PPP1R37: variants seen among roughly 807,000 people sequenced by gnomAD.
PPP1R37 encodes the protein protein phosphatase 1 regulatory subunit 37, also known as leucine rich repeat containing 68.
PPP1R37 carries 21 observed loss-of-function variants against 61.0 expected under a neutral mutation model. That is an observed-to-expected ratio of 0.34 (90% confidence interval 0.24 to 0.50). The LOEUF (loss-of-function observed/expected upper bound fraction) is 0.50. PPP1R37 is among the 20% of genes least tolerant of loss of function. The pLI, the probability that PPP1R37 is intolerant of heterozygous loss-of-function variation, is 0.98. For synonymous variants in PPP1R37, 443 were observed against 433.5 expected, an observed-to-expected ratio of 1.02 and a Z score of -0.27; for missense variants, 910 against 952.7, an observed-to-expected ratio of 0.96 and a Z score of 0.59.
intron 8 of PPP1R37, chr19:45,144,589 C>T (rs574404241): frequency 2.1e-5 from 10 of 486,726 alleles, no homozygotes; most frequent in African/African-American, 1.4e-4. Flanking sequence ...TGGCCAGGGG[C>T]CCAGGCTGTG....
chr19:45,115,172 G>A (rs747647), intron 1 of PPP1R37, among the ~76,000 whole-genome samples: 4,496 of 152,254 alleles, frequency 0.03, 233 homozygotes, highest in African/African-American at 0.1. Context: ...GAAACAAGTT[G>A]GCCAACCAGC....
chr19:45,099,440 G>A (rs1339853060), intron 1 of PPP1R37, among the ~76,000 whole-genome samples: 3 of 152,258 alleles, frequency 2.0e-5, no homozygotes, highest in Non-Finnish European at 4.4e-5. Flanking sequence ...TGATGACTTT[G>A]GACAAGTTGC....
chr19:45,096,220 G>C (rs1393882516), intron 1 of PPP1R37, among the ~76,000 whole-genome samples: 2 of 152,124 alleles, frequency 1.3e-5, no homozygotes, highest in African/African-American at 4.8e-5. Context: ...CCAGGAGAGG[G>C]GAGAGATGGC....
chr19:45,140,344 C>T, intron 3 of PPP1R37, 63 bp downstream of exon 3: 1 of 1,383,650 alleles, frequency 7.2e-7, no homozygotes, highest in Non-Finnish European at 9.6e-7. Flanking sequence ...CTCCCTAGAG[C>T]TGGGTCTGAG....
At chr19:45,110,506 T>A (rs1475597319) in intron 1 of PPP1R37, among the ~76,000 whole-genome samples, 1 of 152,194 alleles carries the variant, frequency 6.6e-6, no homozygotes, top group East Asian at 1.9e-4. Flanking sequence ...AAATCTGAAT[T>A]TGTATCCCCT....
At chr19:45,144,753 G>T (rs932102233) in intron 8 of PPP1R37, 101 bp from the exon 9 acceptor site, 7 of 1,023,860 alleles carry the variant, frequency 6.8e-6, no homozygotes, top group African/African-American at 6.7e-5. Flanking sequence ...GAAAAGGAGC[G>T]CCCGGGCCTG....
chr19:45,115,001 A>G (rs1158817334), intron 1 of PPP1R37, among the ~76,000 whole-genome samples: 1 of 152,116 alleles, frequency 6.6e-6, no homozygotes, highest in African/African-American at 2.4e-5. Flanking sequence ...TGAGAGTGTT[A>G]TTAGTCTCCA....
intron 1 of PPP1R37, among the ~76,000 whole-genome samples, chr19:45,111,842 G>A (rs1968205063): frequency 6.6e-6 from 1 of 152,094 alleles, no homozygotes; most frequent in South Asian, 2.1e-4. Context: ...GGGTCATCAG[G>A]TGGCCTTTTT....
intron 1 of PPP1R37, among the ~76,000 whole-genome samples, chr19:45,105,604 C>T (rs535974555): frequency 2.6e-5 from 4 of 152,262 alleles, no homozygotes; most frequent in African/African-American, 7.2e-5. Flanking sequence ...CAGGGGCGAC[C>T]GGCCACCCAG....
chr19:45,128,351 CTT>C (rs1968434787), intron 1 of PPP1R37, among the ~76,000 whole-genome samples: 1 of 152,186 alleles, frequency 6.6e-6, no homozygotes, highest in East Asian at 1.9e-4. Context: ...ATCTATTACT[CTT>C]TTCATGCTAC....
intron 8 of PPP1R37, 117 bp downstream of exon 8, chr19:45,143,750 A>G: frequency 1.7e-6 from 1 of 591,872 alleles, no homozygotes; most frequent in Non-Finnish European, 3.0e-6. Context: ...CTGCAGGTTC[A>G]AGACGATTTA....
At chr19:45,122,908 G>A (rs568816563) in intron 1 of PPP1R37, among the ~76,000 whole-genome samples, 8 of 152,040 alleles carry the variant, frequency 5.3e-5, no homozygotes, top group South Asian at 2.1e-4. Flanking sequence ...GACCCCTCTC[G>A]TCTCACACTC....
intron 1 of PPP1R37, among the ~76,000 whole-genome samples, chr19:45,111,586 C>T (rs892022747): frequency 6.6e-6 from 1 of 152,196 alleles, no homozygotes; most frequent in Non-Finnish European, 1.5e-5. Context: ...CATTTATCTT[C>T]TTGGCATATG....
At chr19:45,125,455 A>G (rs1871298412) in intron 1 of PPP1R37, among the ~76,000 whole-genome samples, 1 of 152,164 alleles carries the variant, frequency 6.6e-6, no homozygotes, top group Admixed American at 6.5e-5. Context: ...GCGAGACTCC[A>G]TCTAAAAAAT....
chr19:45,145,166 T>A lies in PPP1R37; in HGVS notation c.1202T>A (p.Ile401Asn). ...LLRLDLRENE[I>N]KTGGLMALSL... ...AGACTGGACCTTCGGGAGAACGAGA[T>A]CAAGACAGGCGGGCTCATGGCACTG... Residue 401 changes from isoleucine to asparagine, a missense_variant, in exon 10 of 13, where the codon ATC (isoleucine) becomes AAC (asparagine). Coordinates refer to ENST00000221462, the MANE Select transcript of PPP1R37 (RefSeq NM_019121.2). 2 of 1,534,814 alleles carry A rather than the reference T, an allele frequency of 1.3e-6. No homozygotes were observed. Among genetic ancestry groups the A allele is most frequent in the Non-Finnish European group, 1.7e-6 (2 of 1,146,408 alleles).
intron 4 of PPP1R37, 82 bp from the exon 5 acceptor site, chr19:45,141,240 G>A (rs1010050916): frequency 4.0e-5 from 57 of 1,439,424 alleles, no homozygotes; most frequent in South Asian, 7.1e-5. Context: ...ATCGTCTCTC[G>A]GTGGGGCCCG....
chr19:45,127,704 C>G, intron 1 of PPP1R37, among the ~76,000 whole-genome samples: 1 of 151,898 alleles, frequency 6.6e-6, no homozygotes, highest in South Asian at 2.1e-4. Context: ...GGGCCGGGCG[C>G]GGTGGCTCAC....
intron 2 of PPP1R37, among the ~76,000 whole-genome samples, 196 bp from the exon 3 acceptor site, chr19:45,140,040 G>A (rs1391903254): frequency 6.6e-6 from 1 of 152,218 alleles, no homozygotes; most frequent in South Asian, 2.1e-4. Flanking sequence ...AGTTGTGTGG[G>A]TGCAGAGTTC....
chr19:45,138,442 C>T lies in PPP1R37; in HGVS notation c.203-72C>T, dbSNP rs565788319. ...GGCAGTATGGGCAGAGGCCTTAGGG[C>T]GGGAGTGGGTGGAGCCCCATGAAGG... On this transcript the variant is annotated intron_variant, in intron 1 of 12. Transcript: ENST00000221462. 2.1e-4 allele frequency: 225 copies of T among 1,088,162 alleles called. 1 individual carries two copies. The highest frequency in any genetic ancestry group is 7.3e-4 in the Admixed American group (36 of 49,098). The allele number at this position is 1,088,162 out of a possible 1,614,324, so 67.4% of individuals were successfully genotyped here. A position where few individuals can be genotyped will look rare whatever the true frequency, so the allele number is the denominator to read the frequency against.
Sources: allele counts gnomAD v4.1 joint callset (sites outside exome capture counted in the v4.1 genomes callset), GRCh38; gene constraint gnomAD v4.1.1; transcripts MANE v1.5; gene names NCBI Gene and HGNC (gene_info 2026-07-23, HGNC 2026-07-21).